The following ADGRV1 variants were observed in gnomAD, a reference collection of about 807,000 sequenced individuals.
ADGRV1 encodes the protein G-protein coupled receptor 98.
In ADGRV1, 359 loss-of-function variants were observed where a neutral mutation model predicts 596.2. That is an observed-to-expected ratio of 0.60 (90% CI 0.55 to 0.66). The LOEUF (loss-of-function observed/expected upper bound fraction) is 0.66. Among genes scored for constraint, ADGRV1 ranks in the 30% least tolerant of loss-of-function variants. The probability of loss-of-function intolerance (pLI) is 0.00; values close to 1 mark genes in which losing one functional copy is unlikely to be tolerated. For synonymous variants in ADGRV1, 2,681 were observed against 2,679.2 expected (o/e 1.00, Z -0.02); for missense variants, 7,274 against 7,575.6 (o/e 0.96, Z 1.48).
chr5:91,026,149 A>G (rs956591059), intron 85 of ADGRV1, among the ~76,000 whole-genome samples: 2 of 152,182 alleles, frequency 1.3e-5, no homozygotes, highest in African/African-American at 4.8e-5. Flanking sequence ...AACCTGCTCC[A>G]AGGTCAGTGC....
Position 90,642,487 on chromosome 5 carries a change from T to A in ADGRV1, c.2241-149T>A, listed in dbSNP as rs78275659. The A allele has an allele frequency of 0.015, 10,913 of 735,892 alleles. 842 individuals carry two copies. The African/African-American group carries it at 0.17, about 12-fold the overall frequency. 45.6% of individuals were successfully genotyped at this position (735,892 alleles called of 1,614,324 possible). ...AAAACTGTTTTGATCTTAAATGATT[T>A]CAACACACGTGAATTCACTTAAGGT... On this transcript the variant is annotated intron_variant, in intron 11 of 89. Coordinates refer to ENST00000405460, the MANE Select transcript of ADGRV1 (RefSeq NM_032119.4).
At chr5:91,153,681 A>C (rs2126917315) in intron 89 of ADGRV1, among the ~76,000 whole-genome samples, 1 of 152,384 alleles carries the variant, frequency 6.6e-6, no homozygotes, top group South Asian at 2.1e-4. Flanking sequence ...GATACTATTA[A>C]GTTTGCTATA....
intron 82 of ADGRV1, among the ~76,000 whole-genome samples, chr5:90,862,562 G>C (rs1326628769): frequency 6.6e-6 from 1 of 152,072 alleles, no homozygotes; most frequent in Non-Finnish European, 1.5e-5. Flanking sequence ...GCATGACTCT[G>C]CAGTTCCTGA....
rs761101476 is a variant in ADGRV1, at chr5:90,703,736, A to G, written c.8227A>G (p.Ile2743Val). The G allele has an allele frequency of 6.2e-7, 1 of 1,606,082 alleles. No individual in the cohort carries two copies. The highest frequency in any genetic ancestry group is 8.5e-7 in the Non-Finnish European group (1 of 1,175,528). Residue 2743 changes from isoleucine to valine, a missense_variant, in exon 35 of 90, where the codon ATT becomes GTT. Coordinates refer to ENST00000405460, the MANE Select transcript of ADGRV1 (RefSeq NM_032119.4). ...AAATGTTACTGTTAACTGGAAAATT[A>G]TTGGGCAAAATCTAGAACTCAATTT... ...RGNVTVNWKI[I>V]GQNLELNFAN...
intron 3 of ADGRV1, 39 bp downstream of exon 3, chr5:90,617,992 G>A (rs775770863): frequency 4.6e-5 from 67 of 1,463,240 alleles, no homozygotes; most frequent in Middle Eastern, 1.8e-4. Flanking sequence ...TTATAAGGAG[G>A]ACTTATAAAA....
chr5:91,066,043 T>C (rs1787857036), intron 85 of ADGRV1, among the ~76,000 whole-genome samples: 2 of 152,220 alleles, frequency 1.3e-5, no homozygotes, highest in South Asian at 4.1e-4. Flanking sequence ...TGAAGCTGGT[T>C]GAGCTGCAAT....
At chr5:90,743,042 G>A (rs1299107275) in intron 50 of ADGRV1, among the ~76,000 whole-genome samples, 2 of 152,124 alleles carry the variant, frequency 1.3e-5, no homozygotes, top group Non-Finnish European at 2.9e-5. Flanking sequence ...TTAGAGGAGG[G>A]TCTTGGTTTG....
intron 85 of ADGRV1, among the ~76,000 whole-genome samples, chr5:90,987,301 C>G (rs1780572541): frequency 6.6e-6 from 1 of 151,968 alleles, no homozygotes; most frequent in Non-Finnish European, 1.5e-5. Flanking sequence ...GAAACCCCAT[C>G]TCTAGTAAAA....
At chr5:91,143,887 A>G (rs1245720162) in intron 87 of ADGRV1, among the ~76,000 whole-genome samples, 2 of 152,240 alleles carry the variant, frequency 1.3e-5, no homozygotes, top group South Asian at 4.2e-4. Context: ...CCTCCCTCCC[A>G]TGTTCATTGG....
chr5:90,967,686 AAC>A (rs1778598697), intron 84 of ADGRV1, among the ~76,000 whole-genome samples: 6 of 151,598 alleles, frequency 4.0e-5, no homozygotes, highest in Admixed American at 2.0e-4. Context: ...GGACAGCTGC[AAC>A]AGAGAGCTGC....
chr5:91,130,864 A>T (rs1227835856), intron 87 of ADGRV1, among the ~76,000 whole-genome samples: 1 of 152,236 alleles, frequency 6.6e-6, no homozygotes, highest in Non-Finnish European at 1.5e-5. Context: ...ATAAGCGAGG[A>T]CATGCGGTAT....
At chr5:90,781,603 A>T (rs1561717776) in intron 65 of ADGRV1, 25 bp downstream of exon 65, 1 of 1,579,716 alleles carries the variant, frequency 6.3e-7, no homozygotes, top group East Asian at 2.3e-5. Flanking sequence ...CTAGCTTGTA[A>T]GTAAGTTTAC....
At chr5:90,942,652 T>C (rs549992333) in intron 83 of ADGRV1, among the ~76,000 whole-genome samples, 1 of 152,294 alleles carries the variant, frequency 6.6e-6, no homozygotes, top group East Asian at 1.9e-4. Flanking sequence ...CAGGTGAATA[T>C]GTGCCCTAAG....
chr5:90,719,578 A>T (rs1204296218), intron 43 of ADGRV1, among the ~76,000 whole-genome samples: 2 of 151,502 alleles, frequency 1.3e-5, no homozygotes, highest in African/African-American at 2.4e-5. Flanking sequence ...GTAGTTGGAC[A>T]TTTTTTTTAA....
intron 62 of ADGRV1, 128 bp from the exon 63 acceptor site, chr5:90,778,299 G>A (rs560981395): frequency 3.5e-6 from 3 of 847,668 alleles, no homozygotes; most frequent in Non-Finnish European, 3.7e-6. Context: ...AGGTGCCTGT[G>A]TATGGGATTA....
intron 85 of ADGRV1, among the ~76,000 whole-genome samples, chr5:91,036,669 C>T (rs1784943235): frequency 1.3e-5 from 2 of 151,772 alleles, no homozygotes; most frequent in South Asian, 4.2e-4. Context: ...TCTGAAGTGA[C>T]CTATGATTGT....
At chr5:90,593,940 A>G (rs1187962687) in intron 1 of ADGRV1, among the ~76,000 whole-genome samples, 1 of 152,168 alleles carries the variant, frequency 6.6e-6, no homozygotes, top group Admixed American at 6.5e-5. Context: ...AAATTGTACA[A>G]TTTGATCCAC....
chr5:90,637,820 G>T lies in ADGRV1; in HGVS notation c.2112G>T (p.Pro704=). 1 of 1,613,634 alleles carries T rather than the reference G, an allele frequency of 6.2e-7. No homozygotes were observed. The highest frequency in any genetic ancestry group is 8.5e-7 in the Non-Finnish European group (1 of 1,179,754). Residue 704 remains proline, a synonymous_variant, in exon 11 of 90, where the codon CCG becomes CCT. Coordinates refer to ENST00000405460, the MANE Select transcript of ADGRV1 (RefSeq NM_032119.4). The stretch of plus-strand genomic sequence containing the variant: ...GCTTTAATTCAAAAGCAGTGACCCC[G>T]GATGATATAGGCCCCTTTAATGGCT... ...PSGFNSKAVT[P]DDIGPFNGSV... is the part of the protein sequence containing the mutation.
In ADGRV1 at chr5:90,759,569, T is replaced by G. The variant is rs876657647; in HGVS notation, c.12101T>G (p.Phe4034Cys). The G allele has an allele frequency of 1.2e-6, 2 of 1,613,300 alleles. No individual in the cohort carries two copies. Among genetic ancestry groups the G allele is most frequent in the Non-Finnish European group, 1.7e-6 (2 of 1,179,546 alleles). The change falls in exon 58 of 90, where the codon TTT (phenylalanine) becomes TGT (cysteine). Residue 4034 changes from phenylalanine (F) to cysteine (C), a missense_variant. Around this residue, in one of 5 missense-constraint regions of ADGRV1, gnomAD observed 3,643 missense variants for 3,809.2 expected, o/e 0.96. Coordinates refer to ENST00000405460, the MANE Select transcript of ADGRV1 (RefSeq NM_032119.4). ...IPQNDSPFGV[F>C]GFEEKTVMID... The stretch of plus-strand genomic sequence containing the variant: ...CAAAATGATTCTCCATTTGGAGTAT[T>G]TGGATTTGAAGAAAAGACTGTAAGT...
Sources: allele counts gnomAD v4.1 joint callset (sites outside exome capture counted in the v4.1 genomes callset), GRCh38; gene constraint gnomAD v4.1.1; regional missense constraint gnomAD v4.1.1; transcripts MANE v1.5; gene names NCBI Gene and HGNC (gene_info 2026-07-23, HGNC 2026-07-21).